SEC23A: variants seen among roughly 807,000 people sequenced by gnomAD.
The protein encoded by SEC23A is protein transport protein Sec23A.
A neutral mutation model predicts 103.7 loss-of-function variants in SEC23A; 56 were observed. The ratio of observed to expected loss-of-function variants is 0.54; its 90% confidence interval spans 0.44 to 0.67. SEC23A has a LOEUF of 0.67. SEC23A is among the 30% of genes least tolerant of loss of function. SEC23A has a pLI of 0.00. For missense variants in SEC23A, 784 were observed against 936.4 expected (o/e 0.84, Z 2.12); for synonymous variants, 281 against 293.0 (o/e 0.96, Z 0.42).
chr14:39,094,430 ATATATATATATATTT>A lies in SEC23A; in HGVS notation c.222-1201_222-1187del, dbSNP rs1231655470. Among the ~76,000 whole-genome samples, 82 of 39,220 alleles carry A rather than the reference ATATATATATATATTT, an allele frequency of 2.1e-3. 16 individuals are homozygous for A. The highest frequency in any genetic ancestry group is 7.3e-3 in the South Asian group (9 of 1,234). 25.7% of individuals were successfully genotyped at this position (39,220 alleles called of 152,430 possible). A position where few individuals can be genotyped will look rare whatever the true frequency, so the allele number is the denominator to read the frequency against. ...TATATATATATATATATATATATAT[ATATATATATATATTT>A]TTTTTTTTTTTTTTTCCCCTCCTGT... is the stretch of plus-strand genomic sequence containing the variant. On this transcript the variant is annotated intron_variant, in intron 2 of 19. Transcript: ENST00000307712.
At chr14:39,083,144 C>T (rs1178157180) in intron 7 of SEC23A, among the ~76,000 whole-genome samples, 1 of 152,130 alleles carries the variant, frequency 6.6e-6, no homozygotes, top group Non-Finnish European at 1.5e-5. Flanking sequence ...ATATCTGCAA[C>T]TTAATCTTGT....
intron 7 of SEC23A, 48 bp from the exon 8 acceptor site, chr14:39,076,141 A>C: frequency 7.6e-7 from 1 of 1,320,470 alleles, no homozygotes. Flanking sequence ...ATGAATATAC[A>C]TTTCTGATAA....
rs1566494129 is a variant in SEC23A, at chr14:39,063,417, T to C, written c.1309-4A>G. On this transcript the variant is annotated splice_region_variant and splice_polypyrimidine_tract_variant and intron_variant, in intron 11 of 19. Coordinates refer to ENST00000307712, the MANE Select transcript of SEC23A (RefSeq NM_006364.4). ...ATGTGCCACCTGTTCCTATCTCCTG[T>C]AAAAATAAAATATAGCATGTTTGAA... 1.3e-6 allele frequency: 2 copies of C among 1,569,416 alleles called. No individual in the cohort carries two copies. Among genetic ancestry groups the C allele is most frequent in the East Asian group, 2.2e-5 (1 of 44,560 alleles).
chr14:39,042,772 T>C lies in SEC23A; in HGVS notation c.1986+14A>G. ...ACTTTACATGCATAGCTTTAAATGC[T>C]ATTGAAATCTTACCTCACCATGATA... On this transcript the variant is annotated intron_variant, in intron 17 of 19. Transcript: ENST00000307712. 6.6e-7 allele frequency: 1 copy of C among 1,525,808 alleles called. No homozygotes were observed. 94.5% of individuals were successfully genotyped at this position (1,525,808 alleles called of 1,614,324 possible).
At chr14:39,085,308 CG>C (rs1234932542) in intron 7 of SEC23A, among the ~76,000 whole-genome samples, 1 of 152,126 alleles carries the variant, frequency 6.6e-6, no homozygotes, top group Non-Finnish European at 1.5e-5. Flanking sequence ...CTATAGTCTT[CG>C]TAATATCTTT....
chr14:39,045,269 T>G lies in SEC23A; in HGVS notation c.1793A>C (p.Asp598Ala). Residue 598 changes from aspartate to alanine, a missense_variant, in exon 16 of 20, where the codon GAT becomes GCT. Transcript: ENST00000307712. ...ATGGTGACGATAATATGAACTCTCATCAGGACTATTGTTAAAAACTTGCAG... is the reference window on the plus strand; with the variant it reads ...ATGGTGACGATAATATGAACTCTCAGCAGGACTATTGTTAAAAACTTGCAG... ...SFLQVFNNSP[D>A]ESSYYRHHFM... 6.2e-7 allele frequency: 1 copy of G among 1,612,406 alleles called. No individual in the cohort carries two copies. The highest frequency in any genetic ancestry group is 8.5e-7 in the Non-Finnish European group (1 of 1,178,632).
chr14:39,060,118 C>T (rs767066379), intron 13 of SEC23A, among the ~76,000 whole-genome samples: 58 of 147,738 alleles, frequency 3.9e-4, no homozygotes, highest in Non-Finnish European at 7.3e-4. Flanking sequence ...TGTGTGTGTG[C>T]ACACACGTTG....
intron 15 of SEC23A, among the ~76,000 whole-genome samples, chr14:39,045,705 A>C (rs1369363433): frequency 1.3e-5 from 2 of 152,046 alleles, no homozygotes; most frequent in African/African-American, 4.8e-5. Flanking sequence ...AAAGACAAAA[A>C]CCCCTTGCTC....
At position 39,094,426 on chromosome 14, in the gene SEC23A, ATATATATATATATATATTT is replaced by A. The variant is rs1376584002; in HGVS notation, c.222-1201_222-1183del. On this transcript the variant is annotated intron_variant, in intron 2 of 19. Coordinates refer to ENST00000307712, the MANE Select transcript of SEC23A (RefSeq NM_006364.4). Reference sequence around the variant, plus strand: ...TATATATATATATATATATATATATATATATATATATATATATTTTTTTTTTTTTTTTTTCCCCTCCTGT... The same window carrying A: ...TATATATATATATATATATATATATATTTTTTTTTTTTTTTCCCCTCCTGT... 9.7e-4 allele frequency among the ~76,000 whole-genome samples: 48 copies of A among 49,674 alleles called. 7 individuals are homozygous for A. The highest frequency in any genetic ancestry group is 6.9e-3 in the East Asian group (13 of 1,876). The allele number at this position is 49,674 out of a possible 152,430, so 32.6% of individuals were successfully genotyped here.
chr14:39,050,158 C>T (rs1206827053), intron 14 of SEC23A, among the ~76,000 whole-genome samples: 3 of 152,112 alleles, frequency 2.0e-5, no homozygotes, highest in Non-Finnish European at 2.9e-5. Context: ...AACCAAAACA[C>T]TAATACCGGT....
At chr14:39,076,771 C>A (rs1887041914) in intron 7 of SEC23A, among the ~76,000 whole-genome samples, 2 of 150,084 alleles carry the variant, frequency 1.3e-5, no homozygotes, top group South Asian at 4.2e-4. Context: ...ACTAAAAATA[C>A]AAAAAATTAG....
intron 14 of SEC23A, among the ~76,000 whole-genome samples, chr14:39,052,021 T>C (rs914393322): frequency 1.3e-5 from 2 of 148,904 alleles, no homozygotes; most frequent in Non-Finnish European, 3.0e-5. Context: ...ACAGATGGAA[T>C]TGGAAGCCAT....
At chr14:39,065,534 T>A (rs2139233164) in intron 10 of SEC23A, among the ~76,000 whole-genome samples, 1 of 152,248 alleles carries the variant, frequency 6.6e-6, no homozygotes, top group Non-Finnish European at 1.5e-5. Flanking sequence ...TACACATGTG[T>A]CTCCACACTA....
At chr14:39,063,800 T>C (rs1886558446) in intron 11 of SEC23A, among the ~76,000 whole-genome samples, 1 of 151,838 alleles carries the variant, frequency 6.6e-6, no homozygotes, top group South Asian at 2.1e-4. Context: ...ATGGAGACCA[T>C]CCTGGCTAAC....
intron 14 of SEC23A, among the ~76,000 whole-genome samples, chr14:39,054,162 C>A (rs921561835): frequency 2.6e-5 from 4 of 152,004 alleles, no homozygotes; most frequent in African/African-American, 9.7e-5. Flanking sequence ...GTAGTCCCAG[C>A]TACTCAGGAG....
At chr14:39,043,712 G>A (rs1178451704) in intron 16 of SEC23A, among the ~76,000 whole-genome samples, 3 of 152,086 alleles carry the variant, frequency 2.0e-5, no homozygotes, top group East Asian at 1.9e-4. Flanking sequence ...GAGAAAGAAC[G>A]GTGAGTGAGT....
At chr14:39,073,716 T>C (rs868849892) in intron 9 of SEC23A, among the ~76,000 whole-genome samples, 54 of 149,140 alleles carry the variant, frequency 3.6e-4, no homozygotes, top group African/African-American at 1.2e-3. Context: ...TTCAAGCAAT[T>C]CTCCTGCCTC....
chr14:39,086,130 G>C (rs557454231), intron 6 of SEC23A, among the ~76,000 whole-genome samples: 81 of 152,204 alleles, frequency 5.3e-4, no homozygotes, highest in African/African-American at 1.8e-3. Context: ...GAGTGGAGCC[G>C]AAGAATTTGC....
rs1471388075 is a variant in SEC23A, at chr14:39,085,309, G to A, written c.828+453C>T. ...ATCTGACTGTTCATCTATAGTCTTCGTAATATCTTTATCATAAACCGAGAA... is the reference window on the plus strand; with the variant it reads ...ATCTGACTGTTCATCTATAGTCTTCATAATATCTTTATCATAAACCGAGAA... On this transcript the variant is annotated intron_variant, in intron 7 of 19. Transcript: ENST00000307712. Among the ~76,000 whole-genome samples the A allele has an allele frequency of 3.3e-5, 5 of 152,212 alleles. No homozygotes were observed. The East Asian group carries it at 9.7e-4, about 29-fold the overall frequency.
Sources: gnomAD v4.1 joint callset for allele counts (sites outside exome capture counted in the v4.1 genomes callset) on GRCh38, gnomAD v4.1.1 for gene constraint, MANE v1.5 for transcripts, NCBI Gene and HGNC (gene_info 2026-07-23, HGNC 2026-07-21) for gene names.